PDS5A: variants seen among roughly 807,000 people sequenced by gnomAD.
PDS5A encodes the protein PDS5 cohesin associated factor A.
PDS5A carries 42 observed loss-of-function variants against 167.1 expected under a neutral mutation model. The observed-to-expected ratio is 0.25, with a 90% CI of 0.20 to 0.33. PDS5A has a LOEUF of 0.33. Among genes scored for constraint, PDS5A ranks in the 10% least tolerant of loss-of-function variants. The probability of loss-of-function intolerance (pLI) is 1.00; values close to 1 mark genes in which losing one functional copy is unlikely to be tolerated. For missense variants in PDS5A, 1,033 were observed against 1,605.9 expected (o/e 0.64, Z 6.10); for synonymous variants, 553 against 554.6 (o/e 1.00, Z 0.04).
chr4:39,836,812 T>C (rs1486658265), intron 32 of PDS5A, among the ~76,000 whole-genome samples: 1 of 86,766 alleles, frequency 1.2e-5, no homozygotes, highest in African/African-American at 3.1e-5. Flanking sequence ...TTCAGTAACT[T>C]TTTTTTTTTT....
At chr4:39,863,119 A>T (rs750378979) in intron 24 of PDS5A, 46 bp from the exon 25 acceptor site, 1 of 1,409,052 alleles carries the variant, frequency 7.1e-7, no homozygotes, top group Non-Finnish European at 1.0e-6. Context: ...TTTATTAAAT[A>T]AAAAACAGCA....
At position 39,864,335 on chromosome 4, in the gene PDS5A, A is replaced by G. The variant is rs754739911; in HGVS notation, c.2643-876T>C. 5.9e-5 allele frequency among the ~76,000 whole-genome samples: 9 copies of G among 152,288 alleles called. No homozygotes were observed. In the South Asian group the frequency reaches 1.2e-3, roughly 21 times the overall value. ...GACAAATACCTAAAGGATATGAAAT[A>G]TAAGAGGCCAGTGTCTGTCTTAGGT... On this transcript the variant is annotated intron_variant, in intron 23 of 32. Transcript: ENST00000303538.
intron 3 of PDS5A, among the ~76,000 whole-genome samples, 197 bp from the exon 4 acceptor site, chr4:39,927,058 A>T (rs1480919675): frequency 6.6e-6 from 1 of 152,228 alleles, no homozygotes. Context: ...ACTCTTTAGA[A>T]GCAAAAATAA....
chr4:39,901,341 C>T lies in PDS5A; in HGVS notation c.1500-834G>A, dbSNP rs148714343. Among the ~76,000 whole-genome samples the T allele has an allele frequency of 4.5e-3, 653 of 145,978 alleles. 5 individuals carry two copies. Among genetic ancestry groups the T allele is most frequent in the African/African-American group, 0.016 (631 of 39,292 alleles). The stretch of plus-strand genomic sequence containing the variant: ...GCAGTACAATGGGATAATCTCGGCT[C>T]ACTGCAACATCTGCCTCCTGGGTTC... On this transcript the variant is annotated intron_variant, in intron 13 of 32. Coordinates refer to ENST00000303538, the MANE Select transcript of PDS5A (RefSeq NM_001100399.2).
intron 32 of PDS5A, among the ~76,000 whole-genome samples, chr4:39,829,525 T>G (rs951529700): frequency 2.2e-4 from 33 of 151,810 alleles, no homozygotes; most frequent in African/African-American, 7.7e-4. Flanking sequence ...CACACACCTG[T>G]AGTTCTAGCT....
chr4:39,930,264 T>TG (rs1725936542), intron 2 of PDS5A, among the ~76,000 whole-genome samples: 1 of 137,906 alleles, frequency 7.3e-6, no homozygotes, highest in Non-Finnish European at 1.6e-5. Context: ...TGTTTTTTGT[T>TG]TTTTTTTTTT....
intron 2 of PDS5A, among the ~76,000 whole-genome samples, chr4:39,934,122 C>T (rs1726348458): frequency 6.6e-6 from 1 of 152,198 alleles, no homozygotes; most frequent in South Asian, 2.1e-4. Context: ...CCAATGGTGA[C>T]TTCCTAATCA....
At chr4:39,857,704 T>C (rs1718651690) in intron 26 of PDS5A, among the ~76,000 whole-genome samples, 1 of 152,138 alleles carries the variant, frequency 6.6e-6, no homozygotes. Flanking sequence ...AAAATGTGAC[T>C]GTAATAAATA....
chr4:39,895,456 T>C (rs1455175688), intron 16 of PDS5A, among the ~76,000 whole-genome samples: 1 of 152,042 alleles, frequency 6.6e-6, no homozygotes. Context: ...AAATGCCATA[T>C]AAAAGATAAA....
intron 2 of PDS5A, among the ~76,000 whole-genome samples, chr4:39,970,028 G>T (rs376934025): frequency 6.7e-6 from 1 of 150,214 alleles, no homozygotes; most frequent in African/African-American, 2.5e-5. Context: ...ATGTGATCTC[G>T]GCTCCAAGAA....
chr4:39,904,575 G>T (rs1410495316), intron 11 of PDS5A, among the ~76,000 whole-genome samples: 1 of 152,096 alleles, frequency 6.6e-6, no homozygotes, highest in Non-Finnish European at 1.5e-5. Flanking sequence ...CTCATGATCC[G>T]CCCGCCTCGG....
intron 2 of PDS5A, among the ~76,000 whole-genome samples, chr4:39,938,334 C>T (rs1266449046): frequency 7.2e-5 from 11 of 152,082 alleles, no homozygotes; most frequent in Middle Eastern, 3.2e-3. Context: ...GTGGGTGGAT[C>T]ACCCGAGGTC....
intron 2 of PDS5A, among the ~76,000 whole-genome samples, chr4:39,953,409 TG>T (rs958873872): frequency 6.7e-6 from 1 of 149,856 alleles, no homozygotes; most frequent in African/African-American, 2.4e-5. Context: ...AAACCATCAA[TG>T]GTGAAGAATC....
chr4:39,870,533 A>T (rs1488463800), intron 21 of PDS5A, among the ~76,000 whole-genome samples: 1 of 152,086 alleles, frequency 6.6e-6, no homozygotes, highest in Non-Finnish European at 1.5e-5. Flanking sequence ...GGTTGTGATG[A>T]GCCAAGGTTG....
chr4:39,908,137 T>G (rs1366632726), intron 11 of PDS5A, among the ~76,000 whole-genome samples: 1 of 152,200 alleles, frequency 6.6e-6, no homozygotes, highest in East Asian at 1.9e-4. Flanking sequence ...AAATTTTGAT[T>G]AACTTAGTGG....
chr4:39,853,621 C>T (rs1473051093), intron 26 of PDS5A, among the ~76,000 whole-genome samples: 8 of 152,174 alleles, frequency 5.3e-5, no homozygotes, highest in South Asian at 4.1e-4. Context: ...TTCCCTTTAT[C>T]TATCTTTAAG....
chr4:39,844,409 A>G (rs1019758756), intron 30 of PDS5A, among the ~76,000 whole-genome samples: 9 of 150,410 alleles, frequency 6.0e-5, no homozygotes, highest in South Asian at 2.1e-4. Flanking sequence ...CGGGAGGCAG[A>G]GGTTGCAGTG....
At chr4:39,837,383 A>G in intron 32 of PDS5A, 1 of 154,648 alleles carries the variant, frequency 6.5e-6, no homozygotes, top group East Asian at 1.9e-4. Flanking sequence ...ACAGTTTGGT[A>G]AGTTGTTTTT....
chr4:39,894,080 T>C (rs1055330401), intron 16 of PDS5A, among the ~76,000 whole-genome samples: 3 of 152,212 alleles, frequency 2.0e-5, no homozygotes, highest in African/African-American at 7.2e-5. Context: ...TCAATGAAAC[T>C]TTTAAGCGTT....
Sources: allele counts gnomAD v4.1 joint callset (sites outside exome capture counted in the v4.1 genomes callset), GRCh38; gene constraint gnomAD v4.1.1; transcripts MANE v1.5; gene names NCBI Gene and HGNC (gene_info 2026-07-23, HGNC 2026-07-21).